Variants in GRM5 observed in about 807,000 individuals in gnomAD.
GRM5 encodes metabotropic glutamate receptor 5.
Under a neutral mutation model 83.1 loss-of-function variants are expected in GRM5, and 19 were observed. The ratio of observed to expected loss-of-function variants is 0.23; its 90% CI spans 0.16 to 0.34. The LOEUF (loss-of-function observed/expected upper bound fraction) is 0.34, where lower values mean the gene tolerates loss of function less well. GRM5 is among the 10% of genes least tolerant of loss of function. The pLI is 1.00. For missense variants in GRM5, 1,160 were observed against 1,588.3 expected (o/e 0.73, Z 4.58); for synonymous variants, 675 against 633.6 (o/e 1.07, Z -0.98).
chr11:88,936,672 T>C (rs1360359375), intron 2 of GRM5, among the ~76,000 whole-genome samples: 2 of 151,846 alleles, frequency 1.3e-5, no homozygotes, highest in Non-Finnish European at 2.9e-5. Flanking sequence ...TTAAAATACC[T>C]ACCTGTAATA....
chr11:88,611,850 T>C (rs1362870761), intron 4 of GRM5, among the ~76,000 whole-genome samples: 10 of 152,028 alleles, frequency 6.6e-5, no homozygotes, highest in Admixed American at 5.3e-4. Context: ...CTTTTTGATG[T>C]AGGCATTTAG....
chr11:88,685,740 C>T (rs1313868414), intron 3 of GRM5, among the ~76,000 whole-genome samples: 2 of 152,216 alleles, frequency 1.3e-5, no homozygotes, highest in Admixed American at 6.5e-5. Flanking sequence ...TGGGCTGTGG[C>T]TTCAGAGGGT....
intron 3 of GRM5, among the ~76,000 whole-genome samples, chr11:88,730,605 CT>C (rs1204395416): frequency 6.6e-6 from 1 of 152,026 alleles, no homozygotes; most frequent in African/African-American, 2.4e-5. Flanking sequence ...ATAGCAAAGA[CT>C]TGGAACCAAC....
intron 3 of GRM5, among the ~76,000 whole-genome samples, chr11:88,710,346 G>A (rs1941255818): frequency 6.6e-6 from 1 of 152,096 alleles, no homozygotes; most frequent in Non-Finnish European, 1.5e-5. Flanking sequence ...TGTATTTTTA[G>A]GGCCTGACAG....
At chr11:88,985,585 A>T (rs1939679509) in intron 2 of GRM5, among the ~76,000 whole-genome samples, 1 of 152,176 alleles carries the variant, frequency 6.6e-6, no homozygotes, top group Admixed American at 6.5e-5. Context: ...AGTCCTAATC[A>T]TACCAAGAAC....
intron 4 of GRM5, among the ~76,000 whole-genome samples, chr11:88,645,248 T>C (rs1032338406): frequency 3.3e-5 from 5 of 152,112 alleles, no homozygotes; most frequent in Admixed American, 2.6e-4. Flanking sequence ...GTGCTCAGTG[T>C]CTGGATTCCC....
chr11:88,876,224 A>T (rs897774773), intron 2 of GRM5, among the ~76,000 whole-genome samples: 1 of 152,088 alleles, frequency 6.6e-6, no homozygotes, highest in African/African-American at 2.4e-5. Context: ...TTTACCTTGC[A>T]CTTTTAGGTT....
chr11:88,656,925 G>A (rs533324211), intron 3 of GRM5, among the ~76,000 whole-genome samples: 5 of 152,234 alleles, frequency 3.3e-5, no homozygotes, highest in East Asian at 1.9e-4. Flanking sequence ...CCTGGTATAA[G>A]AGACCTGAGC....
chr11:88,526,494 G>A (rs1394232211), intron 8 of GRM5, among the ~76,000 whole-genome samples: 1 of 152,086 alleles, frequency 6.6e-6, no homozygotes, highest in East Asian at 1.9e-4. Flanking sequence ...AGCTCTTAAG[G>A]TTTTATTACC....
intron 1 of GRM5, among the ~76,000 whole-genome samples, chr11:89,057,237 G>A (rs555208007): frequency 6.6e-6 from 1 of 152,216 alleles, no homozygotes; most frequent in Non-Finnish European, 1.5e-5. Context: ...TGCCATCAAT[G>A]CATCTGATAT....
chr11:88,768,288 G>C (rs1356594534), intron 3 of GRM5, among the ~76,000 whole-genome samples: 5 of 151,954 alleles, frequency 3.3e-5, no homozygotes, highest in Non-Finnish European at 7.4e-5. Context: ...TTCTTTCATA[G>C]CTATAACATG....
intron 2 of GRM5, among the ~76,000 whole-genome samples, chr11:88,867,855 C>T (rs921152088): frequency 3.3e-5 from 5 of 151,824 alleles, no homozygotes; most frequent in African/African-American, 1.2e-4. Context: ...TGTTTACGAA[C>T]CACTGAGTCT....
At chr11:88,591,572 C>T (rs574402454) in intron 6 of GRM5, among the ~76,000 whole-genome samples, 4 of 152,186 alleles carry the variant, frequency 2.6e-5, no homozygotes, top group Non-Finnish European at 4.4e-5. Flanking sequence ...GATTAATATT[C>T]AGCAATGACC....
rs543768330 is a variant in GRM5, at chr11:88,613,048, G to C, written c.1148-8084C>G. ...AATGATTTTTAATTTGTATTGTGCT[G>C]TGGTCTGAGGGTGTGTTGGGTATGA... On this transcript the variant is annotated intron_variant, in intron 4 of 9. Coordinates refer to ENST00000305447, the MANE Select transcript of GRM5 (RefSeq NM_001143831.3). The C allele has an allele frequency of 2.6e-5, 4 of 152,248 alleles. No homozygotes were observed. The South Asian group carries it at 8.3e-4, about 32-fold the overall frequency. 9.4% of individuals were successfully genotyped at this position (152,248 alleles called of 1,614,324 possible). A position where few individuals can be genotyped will look rare whatever the true frequency, so the allele number is the denominator to read the frequency against.
chr11:88,821,290 T>C (rs1253686456), intron 3 of GRM5, among the ~76,000 whole-genome samples: 1 of 145,098 alleles, frequency 6.9e-6, no homozygotes, highest in Non-Finnish European at 1.5e-5. Flanking sequence ...AAAGGGTTGA[T>C]CGTAACTCCC....
chr11:88,543,037 C>T (rs542052751), intron 8 of GRM5, among the ~76,000 whole-genome samples: 1 of 152,278 alleles, frequency 6.6e-6, no homozygotes, highest in Admixed American at 6.5e-5. Context: ...CACTGCACTC[C>T]AGCCTGGGCG....
intron 2 of GRM5, among the ~76,000 whole-genome samples, chr11:88,895,363 G>T (rs1216364936): frequency 1.3e-5 from 2 of 151,810 alleles, no homozygotes; most frequent in Non-Finnish European, 2.9e-5. Flanking sequence ...TAGACAAGTT[G>T]GAATTTTTAA....
intron 8 of GRM5, among the ~76,000 whole-genome samples, chr11:88,565,810 A>G (rs1942862353): frequency 6.6e-6 from 1 of 152,244 alleles, no homozygotes; most frequent in African/African-American, 2.4e-5. Context: ...TGAGAAGTGT[A>G]AAACAAGTAG....
intron 4 of GRM5, among the ~76,000 whole-genome samples, chr11:88,614,348 C>G (rs572327223): frequency 6.6e-6 from 1 of 152,204 alleles, no homozygotes; most frequent in South Asian, 2.1e-4. Context: ...TCACACAGAG[C>G]CTGGCACAAG....
Sources: gnomAD v4.1 joint callset for allele counts (sites outside exome capture counted in the v4.1 genomes callset) on GRCh38, gnomAD v4.1.1 for gene constraint, MANE v1.5 for transcripts, NCBI Gene and HGNC (gene_info 2026-07-23, HGNC 2026-07-21) for gene names.